The following COL13A1 variants were observed in gnomAD, a reference collection of about 807,000 sequenced individuals.
COL13A1 encodes the protein collagen alpha-1(XIII) chain.
Under a neutral mutation model 130.9 loss-of-function variants are expected in COL13A1, and 89 were observed. The ratio of observed to expected loss-of-function variants is 0.68; its 90% CI spans 0.57 to 0.81. COL13A1 has a LOEUF of 0.81. COL13A1 is among the 30% of genes least tolerant of loss of function. The pLI, the probability that COL13A1 is intolerant of heterozygous loss-of-function variation, is 0.00. For synonymous variants in COL13A1, 402 were observed against 341.6 expected (o/e 1.18, Z -1.95); for missense variants, 879 against 934.6 (o/e 0.94, Z 0.78).
rs374520926 is a variant in COL13A1, at chr10:69,850,004, G to A, written c.365-17794G>A. On this transcript the variant is annotated intron_variant, in intron 2 of 40. Transcript: ENST00000645393. ...TAGGAGCTGTTAGCACATCAAAGCG[G>A]GATTTGCAGAGCCTGAACACATAGT... is the stretch of plus-strand genomic sequence containing the variant. 3.1e-4 allele frequency among the ~76,000 whole-genome samples: 47 copies of A among 152,242 alleles called. 1 individual carries two copies. The South Asian group carries it at 9.8e-3, about 32-fold the overall frequency.
At chr10:69,805,125 GGAGA>G (rs1841186034) in intron 1 of COL13A1, among the ~76,000 whole-genome samples, 1 of 152,166 alleles carries the variant, frequency 6.6e-6, no homozygotes, top group Admixed American at 6.5e-5. Context: ...AGATGTGGCT[GGAGA>G]GAGACGGGCA....
intron 2 of COL13A1, among the ~76,000 whole-genome samples, chr10:69,867,251 G>A (rs1299529592): frequency 6.6e-6 from 1 of 152,208 alleles, no homozygotes; most frequent in Non-Finnish European, 1.5e-5. Context: ...AGACCCTGGA[G>A]GGGTGAAGTG....
chr10:69,863,038 A>G (rs942580), intron 2 of COL13A1, among the ~76,000 whole-genome samples: 149,038 of 152,328 alleles, frequency 0.98, 72,993 homozygotes, highest in Middle Eastern at 1. Flanking sequence ...GGCCACGGGT[A>G]AGGGCGTGCG....
chr10:69,814,166 T>G (rs779270892), intron 1 of COL13A1, among the ~76,000 whole-genome samples: 3 of 152,164 alleles, frequency 2.0e-5, no homozygotes, highest in Non-Finnish European at 4.4e-5. Context: ...GTGATCAGAG[T>G]GCTGGCACAG....
intron 25 of COL13A1, 32 bp from the exon 26 acceptor site, chr10:69,925,772 G>A (rs750291171): frequency 6.4e-7 from 1 of 1,554,322 alleles, no homozygotes; most frequent in Non-Finnish European, 8.7e-7. Flanking sequence ...TCCCGGTCCA[G>A]GCCGTGGGTT....
intron 39 of COL13A1, 127 bp downstream of exon 39, chr10:69,953,095 T>C (rs896110492): frequency 6.5e-6 from 4 of 616,400 alleles, no homozygotes; most frequent in South Asian, 4.1e-5. Flanking sequence ...AAAATCTCTC[T>C]GTTCATTTGA....
In COL13A1 at chr10:69,919,094, G is replaced by A. The variant is rs1175259979; in HGVS notation, c.1026+6G>A. 1.9e-6 allele frequency: 3 copies of A among 1,614,008 alleles called. No individual in the cohort carries two copies. The highest frequency in any genetic ancestry group is 2.5e-6 in the Non-Finnish European group (3 of 1,179,874). ...CAGGGATCCCAGGAACCAAGGTACT[G>A]ATGCAGAGAGAATGTTCCGGGCTGC... On this transcript the variant is annotated splice_donor_region_variant and intron_variant, in intron 20 of 40. Transcript: ENST00000645393.
intron 17 of COL13A1, among the ~76,000 whole-genome samples, chr10:69,914,931 GGGCCA>G (rs1485941649): frequency 6.6e-6 from 1 of 152,220 alleles, no homozygotes; most frequent in African/African-American, 2.4e-5. Context: ...CCCCTATGAT[GGGCCA>G]CAGACCTAAG....
chr10:69,871,229 C>T (rs993189808), intron 3 of COL13A1, among the ~76,000 whole-genome samples: 3 of 152,078 alleles, frequency 2.0e-5, no homozygotes, highest in African/African-American at 7.2e-5. Flanking sequence ...CTGGGCTGTC[C>T]TTGTGGGGGC....
chr10:69,932,304 C>T (rs1376615219), intron 30 of COL13A1, among the ~76,000 whole-genome samples: 1 of 152,160 alleles, frequency 6.6e-6, no homozygotes, highest in Non-Finnish European at 1.5e-5. Context: ...TGCCTTACTC[C>T]ACGGCTAAGA....
chr10:69,920,560 C>T (rs1223948318), intron 21 of COL13A1, among the ~76,000 whole-genome samples: 1 of 152,136 alleles, frequency 6.6e-6, no homozygotes, highest in African/African-American at 2.4e-5. Context: ...GGATTGGTGG[C>T]CCTAGAAGAA....
intron 20 of COL13A1, 56 bp from the exon 21 acceptor site, chr10:69,919,609 A>G: frequency 2.5e-6 from 1 of 398,690 alleles, no homozygotes; most frequent in East Asian, 3.6e-5. Context: ...TGCCCATCCT[A>G]CCCCTCACTG....
At chr10:69,950,991 G>A (rs998968812) in intron 38 of COL13A1, among the ~76,000 whole-genome samples, 11 of 152,150 alleles carry the variant, frequency 7.2e-5, no homozygotes, top group African/African-American at 2.7e-4. Context: ...TAGGATTACA[G>A]GCTAGTGCCA....
intron 17 of COL13A1, among the ~76,000 whole-genome samples, chr10:69,916,949 T>A (rs1589498243): frequency 2.6e-5 from 4 of 152,274 alleles, no homozygotes; most frequent in Admixed American, 2.6e-4. Context: ...CTCCTGCCCC[T>A]GGTCCCGTCC....
intron 1 of COL13A1, among the ~76,000 whole-genome samples, chr10:69,808,665 A>G (rs530147675): frequency 1.3e-5 from 2 of 152,346 alleles, no homozygotes; most frequent in East Asian, 3.9e-4. Context: ...CGGTCTCTCC[A>G]TGTGACCACA....
intron 2 of COL13A1, among the ~76,000 whole-genome samples, chr10:69,831,374 T>C (rs1477577496): frequency 6.6e-6 from 1 of 152,218 alleles, no homozygotes; most frequent in Non-Finnish European, 1.5e-5. Context: ...CCTCTGCCTG[T>C]GCTCAGTGTC....
Position 69,925,019 on chromosome 10 carries a change from T to C in COL13A1, c.1329+12T>C. ...CAGATGGCCCCAAGGTATGTGCCTC[T>C]CCCTCCTGGAGTCACAGCGTGAAGC... On this transcript the variant is annotated intron_variant, in intron 25 of 40. Transcript: ENST00000645393. The C allele has an allele frequency of 6.4e-7, 1 of 1,571,766 alleles. No individual in the cohort carries two copies. Among genetic ancestry groups the C allele is most frequent in the South Asian group, 1.2e-5 (1 of 83,988 alleles).
intron 1 of COL13A1, among the ~76,000 whole-genome samples, chr10:69,809,040 G>T (rs1333127698): frequency 6.6e-6 from 1 of 152,200 alleles, no homozygotes; most frequent in Non-Finnish European, 1.5e-5. Context: ...CTACTCCCAA[G>T]GTCAGGAGCT....
intron 2 of COL13A1, among the ~76,000 whole-genome samples, chr10:69,848,223 A>G (rs753610620): frequency 6.6e-6 from 1 of 152,216 alleles, no homozygotes. Flanking sequence ...GTCACAAAGC[A>G]GTCCAACTGA....
Sources: allele counts gnomAD v4.1 joint callset (sites outside exome capture counted in the v4.1 genomes callset), GRCh38; gene constraint gnomAD v4.1.1; transcripts MANE v1.5; gene names NCBI Gene and HGNC (gene_info 2026-07-23, HGNC 2026-07-21).